Variants in SLC38A5 observed in about 807,000 individuals in gnomAD.
The protein encoded by SLC38A5 is solute carrier family 38 member 5, also known as sodium-coupled neutral amino acid transporter 5.
SLC38A5 carries 9 observed loss-of-function variants against 34.6 expected under a neutral mutation model. The ratio of observed to expected loss-of-function variants is 0.26; its 90% CI spans 0.16 to 0.45. The LOEUF is 0.45. Among genes scored for constraint, SLC38A5 ranks in the 20% least tolerant of loss-of-function variants. SLC38A5 has a pLI of 1.00. For missense variants in SLC38A5, 253 were observed against 394.7 expected (o/e 0.64, Z 3.04); for synonymous variants, 157 against 155.6 (o/e 1.01, Z -0.07).
intron 8 of SLC38A5, among the ~76,000 whole-genome samples, chrX:48,464,515 G>T (rs1267277394): frequency 3.6e-5 from 4 of 112,598 alleles, no homozygotes; most frequent in Non-Finnish European, 5.6e-5. Context: ...TGTCAGACTG[G>T]CCGGGTGTGG....
chrX:48,459,603 G>A lies in SLC38A5; in HGVS notation c.1250C>T (p.Pro417Leu). The change falls in exon 16 of 17, where the codon CCC (proline) becomes CTC (leucine). Residue 417 changes from proline (P) to leucine (L), a missense_variant. Pro to Leu is a moderately conservative substitution (Grantham distance 98). This residue lies in a region of SLC38A5 where 176 missense variants were observed against 273.0 expected (regional missense o/e 0.64). Coordinates refer to ENST00000620913, the MANE Select transcript of SLC38A5 (RefSeq NM_033518.4). The part of the protein sequence containing the change: ...TSAPSLIFIL[P>L]SIFYLRIVPS... Reference sequence around the variant, plus strand: ...TACAATGCGGAGGTAGAAGATGCTGGGGAGGATGAAGATGAGGCTGGGGGC... The same window carrying A: ...TACAATGCGGAGGTAGAAGATGCTGAGGAGGATGAAGATGAGGCTGGGGGC... The A allele has an allele frequency of 8.7e-7, 1 of 1,150,459 alleles. No homozygotes were observed. The highest frequency in any genetic ancestry group is 1.2e-6 in the Non-Finnish European group (1 of 866,287). The allele number at this position is 1,150,459 out of a possible 1,213,427, so 94.8% of individuals were successfully genotyped here.
intron 2 of SLC38A5, chrX:48,468,393 G>T: frequency 1.3e-6 from 1 of 765,467 alleles, no homozygotes; most frequent in Non-Finnish European, 1.5e-6. Context: ...GTGGCCAGGC[G>T]GCTCACTCCT....
In SLC38A5 at chrX:48,460,661, G is replaced by A. The variant is rs569426070; in HGVS notation, c.1056C>T (p.Val352=). The A allele has an allele frequency of 5.0e-6, 6 of 1,210,127 alleles. No individual in the cohort carries two copies. The highest frequency in any genetic ancestry group is 3.0e-5 in the East Asian group (1 of 33,754). Residue 352 remains valine, a synonymous_variant, in exon 14 of 17, where the codon GTC becomes GTT. Coordinates refer to ENST00000620913, the MANE Select transcript of SLC38A5 (RefSeq NM_033518.4). The part of the protein sequence containing the change: ...VLLAVTLTVP[V]VLFPIRRALQ... ...GGGCCCCACGCACAGGGAACAGCACGACTGGCACAGTGAGGGTCACCGCGA... is the reference window on the plus strand; with the variant it reads ...GGGCCCCACGCACAGGGAACAGCACAACTGGCACAGTGAGGGTCACCGCGA...
chrX:48,461,181 C>T (rs992006761), intron 12 of SLC38A5, 95 bp from the exon 13 acceptor site: 2 of 724,237 alleles, frequency 2.8e-6, no homozygotes, highest in Non-Finnish European at 4.1e-6. Flanking sequence ...GTCCCCTTCT[C>T]CCAGACTGCC....
chrX:48,460,909 T>G, intron 13 of SLC38A5, 77 bp downstream of exon 13: 1 of 1,035,902 alleles, frequency 9.7e-7, no homozygotes, highest in Non-Finnish European at 1.3e-6. Context: ...AGGTCCGTGG[T>G]CACAGAAGGA....
In SLC38A5 at chrX:48,460,772, A is replaced by G. The variant is rs1556961675; in HGVS notation, c.953-8T>C. 1 of 1,206,341 alleles carries G rather than the reference A, an allele frequency of 8.3e-7. No individual in the cohort carries two copies. Among genetic ancestry groups the G allele is most frequent in the Non-Finnish European group, 1.1e-6 (1 of 891,098 alleles). ...TCTCCGCCTTCACACTGCCTGGGCC[A>G]TGAGACAGAGGGTACGGGATGCAGG... On this transcript the variant is annotated splice_region_variant and splice_polypyrimidine_tract_variant and intron_variant, in intron 13 of 16. Coordinates refer to ENST00000620913, the MANE Select transcript of SLC38A5 (RefSeq NM_033518.4).
intron 12 of SLC38A5, 80 bp downstream of exon 12, chrX:48,461,638 T>C: frequency 1.0e-6 from 1 of 982,054 alleles, no homozygotes; most frequent in African/African-American, 1.9e-5. Flanking sequence ...GTCCCAGGAC[T>C]GCTGTAGGGA....
chrX:48,462,336 G>A (rs1988354546), intron 9 of SLC38A5, 45 bp from the exon 10 acceptor site: 35 of 1,158,535 alleles, frequency 3.0e-5, no homozygotes, highest in Non-Finnish European at 4.1e-5. Context: ...GCCAGGCGTG[G>A]TGGCTCACAC....
chrX:48,461,918 T>C (rs1364593836), intron 11 of SLC38A5, 89 bp downstream of exon 11: 2 of 1,084,424 alleles, frequency 1.8e-6, no homozygotes, highest in Admixed American at 2.9e-5. Flanking sequence ...CAATGTCGAA[T>C]ATCCAGCTCC....
chrX:48,459,305 G>T, intron 16 of SLC38A5: 1 of 432,015 alleles, frequency 2.3e-6, no homozygotes, highest in Non-Finnish European at 3.9e-6. Flanking sequence ...TCTGGAGAAT[G>T]CTCCCTCTAT....
chrX:48,460,929 G>A lies in SLC38A5; in HGVS notation c.952+57C>T. On this transcript the variant is annotated intron_variant, in intron 13 of 16. Transcript: ENST00000620913. ...CGTGGTCACAGAAGGAAAGAGCTCA[G>A]AGGCTCCTGCCCCAGGCCTTCCCCC... is the stretch of plus-strand genomic sequence containing the variant. 1.7e-5 allele frequency: 18 copies of A among 1,073,351 alleles called. No homozygotes were observed. The Middle Eastern group carries it at 9.9e-4, about 59-fold the overall frequency. The allele number at this position is 1,073,351 out of a possible 1,213,427, so 88.5% of individuals were successfully genotyped here. A position where few individuals can be genotyped will look rare whatever the true frequency, so the allele number is the denominator to read the frequency against.
rs2061422338 is a variant in SLC38A5 at position 48,459,792 on chromosome X, C to T, written c.1153G>A (p.Val385Ile). The T allele has an allele frequency of 1.7e-6, 2 of 1,209,907 alleles. No homozygotes were observed. The highest frequency in any genetic ancestry group is 2.2e-6 in the Non-Finnish European group (2 of 895,148). Residue 385 changes from valine (V) to isoleucine (I), a missense_variant, in exon 15 of 17, where the codon GTT becomes ATT. This residue lies in a region of SLC38A5 where 176 missense variants were observed against 273.0 expected (regional missense o/e 0.64). Coordinates refer to ENST00000620913, the MANE Select transcript of SLC38A5 (RefSeq NM_033518.4). The part of the protein sequence containing the change: ...RHVAIALILL[V>I]LVNVLVICVP... ...CAGATGACAAGGACATTGACCAAAA[C>T]AAGCAGGATCAGAGCTATGGCCACA...
In SLC38A5 at chrX:48,466,851, C is replaced by A; in HGVS notation, c.267G>T (p.Ala89=). Residue 89 remains alanine, a synonymous_variant, in exon 6 of 17, where the codon GCG becomes GCT. Transcript: ENST00000620913. ...GGTGGATGGAGTAGGACGACAGAAG[C>A]GCAATGCACAGCAGCAGGGCCCTGC... ...IFFLALLLCI[A]LLSSYSIHLL... is the part of the protein sequence containing the mutation. 8.3e-7 allele frequency: 1 copy of A among 1,206,750 alleles called. No homozygotes were observed.
chrX:48,467,631 G>A, intron 4 of SLC38A5, 79 bp downstream of exon 4: 6 of 973,166 alleles, frequency 6.2e-6, no homozygotes, highest in Non-Finnish European at 8.6e-6. Flanking sequence ...GGAGGAGGAG[G>A]AGTGGGGAAG....
Position 48,462,216 on chromosome X carries a change from G to C in SLC38A5, c.633+17C>G, listed in dbSNP as rs782711235. 4.1e-6 allele frequency: 5 copies of C among 1,209,323 alleles called. No individual in the cohort carries two copies. In the Admixed American group the frequency reaches 1.1e-4, roughly 27 times the overall value. On this transcript the variant is annotated intron_variant, in intron 10 of 16. Transcript: ENST00000620913. Reference sequence around the variant, plus strand: ...TCCCAATGTCCCAAACTCTCTCCCCGCTTCTCTGTGACTCACCGAAACAAG... The same window carrying C: ...TCCCAATGTCCCAAACTCTCTCCCCCCTTCTCTGTGACTCACCGAAACAAG...
intron 2 of SLC38A5, chrX:48,468,973 A>G: frequency 1.3e-6 from 1 of 753,117 alleles, no homozygotes; most frequent in Non-Finnish European, 1.6e-6. Flanking sequence ...AAGAAACCCC[A>G]GCTCCCTCCC....
intron 14 of SLC38A5, among the ~76,000 whole-genome samples, chrX:48,460,414 T>C (rs1342411793): frequency 2.7e-5 from 3 of 111,614 alleles, no homozygotes; most frequent in Non-Finnish European, 1.9e-5. Flanking sequence ...GCCTCCTCCC[T>C]CCAACTGACT....
chrX:48,467,389 G>C, intron 4 of SLC38A5: 1 of 417,839 alleles, frequency 2.4e-6, no homozygotes, highest in Non-Finnish European at 4.2e-6. Flanking sequence ...TGCGGGTGGG[G>C]ATAGGCTGAG....
At chrX:48,466,651 G>A (rs2061479127) in intron 6 of SLC38A5, 148 bp downstream of exon 6, 1 of 599,788 alleles carries the variant, frequency 1.7e-6, no homozygotes, top group Non-Finnish European at 2.7e-6. Flanking sequence ...TGGGTTCTGG[G>A]GTGCTGGGTC....
Sources: gnomAD v4.1 joint callset for allele counts (sites outside exome capture counted in the v4.1 genomes callset) on GRCh38, gnomAD v4.1.1 for gene constraint, gnomAD v4.1.1 regional missense constraint, MANE v1.5 for transcripts, NCBI Gene and HGNC (gene_info 2026-07-23, HGNC 2026-07-21) for gene names.